The following FAM13A variants were observed in gnomAD, a reference collection of about 807,000 sequenced individuals.
The protein encoded by FAM13A is family with sequence similarity 13 member A.
Under a neutral mutation model 129.6 loss-of-function variants are expected in FAM13A, and 76 were observed. The observed-to-expected ratio is 0.59, with a 90% CI of 0.49 to 0.71. FAM13A has a LOEUF of 0.71. FAM13A is among the 30% of genes least tolerant of loss of function. FAM13A has a pLI of 0.00. For synonymous variants in FAM13A, 443 were observed against 449.9 expected, an observed-to-expected ratio of 0.98 and a Z score of 0.20; for missense variants, 1,108 against 1,249.3, an observed-to-expected ratio of 0.89 and a Z score of 1.70.
Position 88,906,415 on chromosome 4 carries a change from T to C in FAM13A, c.807A>G (p.Leu269=), listed in dbSNP as rs763092958. 3.1e-6 allele frequency: 5 copies of C among 1,612,288 alleles called. No individual in the cohort carries two copies. The African/African-American group carries it at 4.0e-5, about 13-fold the overall frequency. The change falls in exon 6 of 24, where the codon TTA becomes TTG. Residue 269 remains leucine, a synonymous_variant. Transcript: ENST00000264344. ...GAGGTGGTTTTGGCATGTCTCTTTC[T>C]AAGCCTCTTGTTAAAAGGATGGGCA... ...NSLPILLTRG[L]ERDMPKPPPK... is the part of the protein sequence containing the mutation.
intron 5 of FAM13A, among the ~76,000 whole-genome samples, chr4:88,909,745 A>G (rs1748758035): frequency 6.6e-6 from 1 of 152,156 alleles, no homozygotes; most frequent in Non-Finnish European, 1.5e-5. Context: ...CTGGCCTCCC[A>G]AAGTGCTGGG....
intron 7 of FAM13A, among the ~76,000 whole-genome samples, chr4:88,834,376 T>C (rs1181474782): frequency 2.6e-5 from 4 of 152,010 alleles, no homozygotes; most frequent in African/African-American, 9.7e-5. Context: ...AATATGTAAG[T>C]GGAAAAAATA....
At chr4:88,738,243 A>C (rs1157946880) in intron 20 of FAM13A, among the ~76,000 whole-genome samples, 2 of 152,238 alleles carry the variant, frequency 1.3e-5, no homozygotes, top group African/African-American at 2.4e-5. Context: ...GGCAACATCA[A>C]AGTGAGTTTG....
In FAM13A at chr4:88,946,000, A is replaced by G. The variant is rs199974656; in HGVS notation, c.606-7759T>C. On this transcript the variant is annotated intron_variant, in intron 4 of 23. Coordinates refer to ENST00000264344, the MANE Select transcript of FAM13A (RefSeq NM_014883.4). ...TGTGTGTGTGTGTGTGTATATATATATATATATATATATATATATATATGT... is the reference window on the plus strand; with the variant it reads ...TGTGTGTGTGTGTGTGTATATATATGTATATATATATATATATATATATGT... Among the ~76,000 whole-genome samples the G allele has an allele frequency of 8.1e-3, 590 of 72,394 alleles. 9 individuals carry two copies. The highest frequency in any genetic ancestry group is 0.013 in the Admixed American group (95 of 7,224). 47.5% of individuals were successfully genotyped at this position (72,394 alleles called of 152,430 possible). A position where few individuals can be genotyped will look rare whatever the true frequency, so the allele number is the denominator to read the frequency against.
chr4:89,037,467 T>TA (rs969439611), intron 1 of FAM13A, among the ~76,000 whole-genome samples: 26 of 151,478 alleles, frequency 1.7e-4, no homozygotes, highest in African/African-American at 5.1e-4. Flanking sequence ...ACTAACTTGG[T>TA]AAAAAAAACA....
At chr4:88,752,024 G>A (rs1178910370) in intron 14 of FAM13A, among the ~76,000 whole-genome samples, 1 of 152,174 alleles carries the variant, frequency 6.6e-6, no homozygotes, top group East Asian at 1.9e-4. Flanking sequence ...ACAGCTGGGT[G>A]TGACTTCATA....
chr4:88,749,580 C>T (rs1291103480), intron 16 of FAM13A, among the ~76,000 whole-genome samples, 191 bp downstream of exon 16: 2 of 151,644 alleles, frequency 1.3e-5, no homozygotes, highest in Non-Finnish European at 2.9e-5. Flanking sequence ...TAAGAATACA[C>T]TTGTGCAAGG....
At position 88,918,528 on chromosome 4, in the gene FAM13A, GA is replaced by G. The variant is rs754662433; in HGVS notation, c.760-12067del. Reference sequence around the variant, plus strand: ...ACCTGCACAGAATACTGCCTCTCCTGAAGAGTCCTTCCTATTTAATGAGATC... The same window carrying G: ...ACCTGCACAGAATACTGCCTCTCCTGAGAGTCCTTCCTATTTAATGAGATC... On this transcript the variant is annotated intron_variant, in intron 5 of 23. Transcript: ENST00000264344. Among the ~76,000 whole-genome samples, 13 of 152,304 alleles carry G rather than the reference GA, an allele frequency of 8.5e-5. No individual in the cohort carries two copies. In the East Asian group the frequency reaches 2.1e-3, roughly 25 times the overall value.
At chr4:88,982,819 A>G (rs1761805647) in intron 4 of FAM13A, among the ~76,000 whole-genome samples, 1 of 152,096 alleles carries the variant, frequency 6.6e-6, no homozygotes, top group East Asian at 1.9e-4. Flanking sequence ...TTATGTAGTG[A>G]CTCTGTGAGG....
At chr4:88,979,543 C>A (rs932444491) in intron 4 of FAM13A, among the ~76,000 whole-genome samples, 1 of 152,010 alleles carries the variant, frequency 6.6e-6, no homozygotes, top group Admixed American at 6.5e-5. Flanking sequence ...AGTTTCCTCA[C>A]GTGAAGAGAT....
At chr4:88,730,627 T>G (rs1560824699) in intron 23 of FAM13A, among the ~76,000 whole-genome samples, 1 of 152,106 alleles carries the variant, frequency 6.6e-6, no homozygotes, top group Non-Finnish European at 1.5e-5. Flanking sequence ...CCTTACCTCA[T>G]GTAATCCACC....
rs1801917 is a variant in FAM13A, at chr4:88,728,290, C to T, written c.*243G>A. 1 of 558,544 alleles carries T rather than the reference C, an allele frequency of 1.8e-6. No individual in the cohort carries two copies. The highest frequency in any genetic ancestry group is 3.0e-5 in the East Asian group (1 of 32,996). 34.6% of individuals were successfully genotyped at this position (558,544 alleles called of 1,614,324 possible). A position where few individuals can be genotyped will look rare whatever the true frequency, so the allele number is the denominator to read the frequency against. ...GTGTGTGTGCGTGCATGCGCGTGCG[C>T]ATGTGCACATACTGCAGTCTTGACT... On this transcript the variant is annotated 3_prime_UTR_variant, in exon 24 of 24. Coordinates refer to ENST00000264344, the MANE Select transcript of FAM13A (RefSeq NM_014883.4).
At chr4:88,988,614 G>A (rs1579644869) in intron 4 of FAM13A, among the ~76,000 whole-genome samples, 1 of 152,008 alleles carries the variant, frequency 6.6e-6, no homozygotes, top group East Asian at 1.9e-4. Flanking sequence ...CCTTCAAATT[G>A]TATGACTGAA....
At chr4:88,770,830 C>T (rs11097197) in intron 11 of FAM13A, among the ~76,000 whole-genome samples, 13,071 of 152,166 alleles carry the variant, frequency 0.086, 981 homozygotes, top group East Asian at 0.31. Flanking sequence ...AGTGTTAAAA[C>T]AAGTATTAAC....
chr4:88,998,463 T>G (rs865931568), intron 3 of FAM13A, among the ~76,000 whole-genome samples: 4 of 152,200 alleles, frequency 2.6e-5, no homozygotes. Flanking sequence ...ACAGAGCAGC[T>G]AACACCATGT....
At chr4:88,855,959 T>C (rs1310070629) in intron 6 of FAM13A, 1 of 152,190 alleles carries the variant, frequency 6.6e-6, no homozygotes, top group Non-Finnish European at 1.5e-5. Context: ...TTCTTTTCAT[T>C]GTGGAGGAGT....
intron 3 of FAM13A, among the ~76,000 whole-genome samples, chr4:89,005,703 T>C (rs1764905373): frequency 6.6e-6 from 1 of 152,224 alleles, no homozygotes; most frequent in South Asian, 2.1e-4. Context: ...ATTGGCTGCA[T>C]GTATGTCTTC....
chr4:89,045,410 C>T (rs573862334), intron 1 of FAM13A, among the ~76,000 whole-genome samples: 1 of 152,192 alleles, frequency 6.6e-6, no homozygotes, highest in East Asian at 1.9e-4. Flanking sequence ...CACTTTATGC[C>T]CCATTTCCAC....
At chr4:88,851,266 T>C in intron 6 of FAM13A, 83 bp from the exon 7 acceptor site, 1 of 1,268,040 alleles carries the variant, frequency 7.9e-7, no homozygotes, top group African/African-American at 1.5e-5. Flanking sequence ...AAAAGACAAT[T>C]TATTCCAATT....
Sources: allele counts gnomAD v4.1 joint callset (sites outside exome capture counted in the v4.1 genomes callset), GRCh38; gene constraint gnomAD v4.1.1; transcripts MANE v1.5; gene names NCBI Gene and HGNC (gene_info 2026-07-23, HGNC 2026-07-21).